Variants in TYRO3 observed in about 807,000 individuals in gnomAD.
TYRO3 encodes the protein tyrosine-protein kinase receptor TYRO3.
In TYRO3, 38 loss-of-function variants were observed where a neutral mutation model predicts 95.2. The observed-to-expected ratio is 0.40, with a 90% CI of 0.31 to 0.52. The LOEUF (loss-of-function observed/expected upper bound fraction) is 0.52, where lower values mean the gene tolerates loss of function less well. Among genes scored for constraint, TYRO3 ranks in the 20% least tolerant of loss-of-function variants. The pLI, the probability that TYRO3 is intolerant of heterozygous loss-of-function variation, is 0.56. For missense variants in TYRO3, 812 were observed against 1,116.4 expected (o/e 0.73, Z 3.89); for synonymous variants, 367 against 432.9 (o/e 0.85, Z 1.89).
In TYRO3 at chr15:41,573,443, C is replaced by T; in HGVS notation, c.2121C>T (p.Asn707=). The change falls in exon 17 of 19, where the codon AAC becomes AAT. Residue 707 remains asparagine (N), a synonymous_variant. Coordinates refer to ENST00000263798, the MANE Select transcript of TYRO3 (RefSeq NM_006293.4). ...KWLALESLAD[N]LYTVQSDVWA... The stretch of plus-strand genomic sequence containing the variant: ...TGGCCCTGGAGAGCCTGGCCGACAA[C>T]CTGTATACTGTGCAGAGTGACGTGG... The T allele has an allele frequency of 1.2e-6, 2 of 1,614,252 alleles. No individual in the cohort carries two copies. Among genetic ancestry groups the T allele is most frequent in the Non-Finnish European group, 1.7e-6 (2 of 1,180,048 alleles).
At chr15:41,575,486 T>C (rs2055848296) in intron 18 of TYRO3, among the ~76,000 whole-genome samples, 1 of 152,244 alleles carries the variant, frequency 6.6e-6, no homozygotes, top group Non-Finnish European at 1.5e-5. Flanking sequence ...AGGCGCCAGT[T>C]GGCTCCTAGC....
At chr15:41,563,178 A>G (rs1003116591) in intron 4 of TYRO3, among the ~76,000 whole-genome samples, 5 of 152,094 alleles carry the variant, frequency 3.3e-5, no homozygotes, top group Admixed American at 6.5e-5. Flanking sequence ...ACAAAGATAC[A>G]GGGCCTCCTC....
chr15:41,560,439 G>T (rs1055616837), intron 1 of TYRO3, among the ~76,000 whole-genome samples: 6 of 150,700 alleles, frequency 4.0e-5, no homozygotes, highest in Admixed American at 1.3e-4. Flanking sequence ...GCGCGCGCGC[G>T]CGCGCGCTCG....
At chr15:41,568,567 T>C (rs916272657) in intron 8 of TYRO3, among the ~76,000 whole-genome samples, 2 of 152,124 alleles carry the variant, frequency 1.3e-5, no homozygotes, top group Non-Finnish European at 2.9e-5. Flanking sequence ...GTGTGCACTT[T>C]GTAAATAAAG....
Position 41,578,151 on chromosome 15 carries a change from A to T in TYRO3, c.2548A>T (p.Ile850Leu), listed in dbSNP as rs780225681. Reference protein sequence around the residue: ...VGGTPSDCRYILTPGGLAEQP... With the variant: ...VGGTPSDCRYLLTPGGLAEQP... The stretch of plus-strand genomic sequence containing the variant: ...TGGCACTCCCAGTGACTGTCGGTAC[A>T]TACTCACCCCCGGAGGGCTGGCTGA... Residue 850 changes from isoleucine (I) to leucine (L), a missense_variant, in exon 19 of 19, where the codon ATA becomes TTA. By Grantham distance (5) the Ile-to-Leu change is conservative. Transcript: ENST00000263798. The T allele has an allele frequency of 6.8e-6, 11 of 1,613,930 alleles. No homozygotes were observed. The highest frequency in any genetic ancestry group is 9.3e-6 in the Non-Finnish European group (11 of 1,180,034).
Position 41,571,125 on chromosome 15 carries a change from G to T in TYRO3, c.1660+7G>T. The T allele has an allele frequency of 2.4e-6, 3 of 1,265,280 alleles. No homozygotes were observed. The highest frequency in any genetic ancestry group is 1.2e-5 in the South Asian group (1 of 84,770). 78.4% of individuals were successfully genotyped at this position (1,265,280 alleles called of 1,614,324 possible). ...GCTGTGAAGATGCTGAAAGGTGAGT[G>T]GGGGATAGCTGTAGCCTGAGGGCAT... On this transcript the variant is annotated splice_region_variant and intron_variant, in intron 13 of 18. Coordinates refer to ENST00000263798, the MANE Select transcript of TYRO3 (RefSeq NM_006293.4).
chr15:41,577,292 TA>T (rs1209598805), intron 18 of TYRO3: 1 of 152,058 alleles, frequency 6.6e-6, no homozygotes, highest in Non-Finnish European at 1.5e-5. Context: ...TCTACAAATA[TA>T]TTTTTTATTT....
In TYRO3 at chr15:41,568,991, G is replaced by A; in HGVS notation, c.1221G>A (p.Gln407=). 1 of 1,614,146 alleles carries A rather than the reference G, an allele frequency of 6.2e-7. No homozygotes were observed. The highest frequency in any genetic ancestry group is 8.5e-7 in the Non-Finnish European group (1 of 1,180,042). ...CAGTTGGCTGTGGACCCTGGAGTCA[G>A]CCACTGGTGGTCTCTTCTCATGACC... ...SNAVGCGPWS[Q]PLVVSSHDRA... Residue 407 remains glutamine (Q), a synonymous_variant, in exon 9 of 19, where the codon CAG becomes CAA. Coordinates refer to ENST00000263798, the MANE Select transcript of TYRO3 (RefSeq NM_006293.4).
At chr15:41,573,569 C>G in intron 17 of TYRO3, 102 bp downstream of exon 17, 1 of 1,522,472 alleles carries the variant, frequency 6.6e-7, no homozygotes, top group Non-Finnish European at 9.0e-7. Flanking sequence ...GTTTGGTTGC[C>G]CCCTGATGAG....
intron 18 of TYRO3, 133 bp downstream of exon 18, chr15:41,573,948 C>A: frequency 2.1e-6 from 2 of 932,878 alleles, no homozygotes; most frequent in South Asian, 1.6e-5. Flanking sequence ...AGGCTGCACT[C>A]CACCTCATAC....
chr15:41,583,536 C>T lies in TYRO3; in HGVS notation c.*5260C>T, dbSNP rs2055943673. 1.3e-5 allele frequency: 2 copies of T among 152,146 alleles called. No individual in the cohort carries two copies. Among genetic ancestry groups the T allele is most frequent in the Non-Finnish European group, 2.9e-5 (2 of 68,034 alleles). The allele number at this position is 152,146 out of a possible 1,614,324, so 9.4% of individuals were successfully genotyped here. On this transcript the variant is annotated 3_prime_UTR_variant, in exon 19 of 19. Coordinates refer to ENST00000263798, the MANE Select transcript of TYRO3 (RefSeq NM_006293.4). ...GACTGTTCATCCCAATTACATGTGC[C>T]AGTGTCACTGCTACACTAATTGAAT... is the stretch of plus-strand genomic sequence containing the variant.
intron 5 of TYRO3, chr15:41,564,753 A>G: frequency 2.2e-6 from 1 of 460,528 alleles, no homozygotes; most frequent in Non-Finnish European, 4.0e-6. Flanking sequence ...TGCTGCCCCC[A>G]CATACCCTCT....
rs200261540 is a variant in TYRO3, at chr15:41,562,758, C to G, written c.580+40C>G. On this transcript the variant is annotated intron_variant, in intron 4 of 18. Coordinates refer to ENST00000263798, the MANE Select transcript of TYRO3 (RefSeq NM_006293.4). ...AAGGGGGCTGGGAGTGGAGAAGGAG[C>G]TGGGTCCTGGAGGGCACTGAAGCTG... is the stretch of plus-strand genomic sequence containing the variant. 2.7e-5 allele frequency: 43 copies of G among 1,573,166 alleles called. No individual in the cohort carries two copies. The East Asian group carries it at 7.9e-4, about 29-fold the overall frequency.
intron 4 of TYRO3, among the ~76,000 whole-genome samples, chr15:41,563,773 C>G (rs2055686112): frequency 6.6e-6 from 1 of 152,292 alleles, no homozygotes; most frequent in South Asian, 2.1e-4. Flanking sequence ...GGCAGAGAGT[C>G]TGCAAATAAC....
At chr15:41,577,213 G>C (rs767183941) in intron 18 of TYRO3, 3 of 152,196 alleles carry the variant, frequency 2.0e-5, no homozygotes, top group Non-Finnish European at 4.4e-5. Flanking sequence ...TACTCAGGAA[G>C]CTGTGGTGGG....
chr15:41,571,420 G>A, intron 13 of TYRO3, 175 bp from the exon 14 acceptor site: 1 of 619,632 alleles, frequency 1.6e-6, no homozygotes. Context: ...GCATTAGCAA[G>A]TGGAGAAGTT....
At chr15:41,576,621 A>ACCTGG (rs1034955369) in intron 18 of TYRO3, among the ~76,000 whole-genome samples, 1 of 137,686 alleles carries the variant, frequency 7.3e-6, no homozygotes, top group Non-Finnish European at 1.5e-5. Flanking sequence ...GAGCTACTGC[A>ACCTGG]CCTGGCCTGA....
chr15:41,560,668 A>G (rs1338064155), intron 1 of TYRO3, among the ~76,000 whole-genome samples: 1 of 150,286 alleles, frequency 6.7e-6, no homozygotes, highest in Non-Finnish European at 1.5e-5. Context: ...TCAGGGGAGC[A>G]CCCCCTCCTT....
chr15:41,575,462 G>C (rs963745946), intron 18 of TYRO3, among the ~76,000 whole-genome samples: 4 of 152,242 alleles, frequency 2.6e-5, no homozygotes, highest in Non-Finnish European at 5.9e-5. Flanking sequence ...CCTCACCCAG[G>C]CAGCCTGGTG....
Sources: allele counts gnomAD v4.1 joint callset (sites outside exome capture counted in the v4.1 genomes callset), GRCh38; gene constraint gnomAD v4.1.1; transcripts MANE v1.5; gene names NCBI Gene and HGNC (gene_info 2026-07-23, HGNC 2026-07-21).